AATF: variants seen among roughly 807,000 people sequenced by gnomAD.
The protein encoded by AATF is protein AATF.
In AATF, 48 loss-of-function variants were observed where a neutral mutation model predicts 63.7. The ratio of observed to expected loss-of-function variants is 0.75; its 90% CI spans 0.60 to 0.96. The LOEUF (loss-of-function observed/expected upper bound fraction) is 0.96. Among genes scored for constraint, AATF ranks in the 40% least tolerant of loss-of-function variants. The pLI is 0.00. For synonymous variants in AATF, 258 were observed against 247.7 expected, an observed-to-expected ratio of 1.04 and a Z score of -0.39; for missense variants, 639 against 685.7, an observed-to-expected ratio of 0.93 and a Z score of 0.76.
In AATF at chr17:36,988,600, G is replaced by A. The variant is rs1597714628; in HGVS notation, c.1029G>A (p.Leu343=). 6.2e-7 allele frequency: 1 copy of A among 1,614,188 alleles called. No homozygotes were observed. Among genetic ancestry groups the A allele is most frequent in the Admixed American group, 1.7e-5 (1 of 60,014 alleles). Residue 343 remains leucine (L), a synonymous_variant, in exon 6 of 12, where the codon CTG becomes CTA. Coordinates refer to ENST00000619387, the MANE Select transcript of AATF (RefSeq NM_012138.4). ...GAAGGGTCCCTGCAAAGAGGAAGCT[G>A]GAGATGGAGGACTATCCCAGCTTCA... ...QRRRVPAKRK[L]EMEDYPSFMA... is the part of the protein sequence containing the mutation.
intron 4 of AATF, among the ~76,000 whole-genome samples, chr17:36,962,888 G>A (rs931017857): frequency 2.0e-5 from 3 of 152,146 alleles, no homozygotes; most frequent in African/African-American, 4.8e-5. Context: ...TTGGGAGGCC[G>A]AGGCAGGCGA....
intron 4 of AATF, among the ~76,000 whole-genome samples, chr17:36,967,262 A>G (rs1159555909): frequency 2.6e-5 from 4 of 152,160 alleles, no homozygotes; most frequent in African/African-American, 9.7e-5. Context: ...TGGTTAGATC[A>G]GTGTTCAGTA....
intron 10 of AATF, among the ~76,000 whole-genome samples, chr17:37,029,600 C>T (rs1010494353): frequency 1.3e-5 from 2 of 152,036 alleles, no homozygotes; most frequent in African/African-American, 4.8e-5. Context: ...CAAAATCTCT[C>T]TGTCGCCCAG....
chr17:36,968,967 C>T (rs1268382992), intron 4 of AATF, among the ~76,000 whole-genome samples: 1 of 152,150 alleles, frequency 6.6e-6, no homozygotes, highest in Non-Finnish European at 1.5e-5. Context: ...TAGTCTGTTT[C>T]CTCTAAGCTG....
chr17:37,039,481 T>C (rs2071619367), intron 11 of AATF, among the ~76,000 whole-genome samples: 1 of 152,224 alleles, frequency 6.6e-6, no homozygotes, highest in African/African-American at 2.4e-5. Flanking sequence ...AGAATGAACA[T>C]AACTCATGGC....
At chr17:37,024,852 G>A (rs1278355151) in intron 10 of AATF, among the ~76,000 whole-genome samples, 5 of 152,056 alleles carry the variant, frequency 3.3e-5, no homozygotes, top group African/African-American at 7.2e-5. Context: ...CCAGCTACTC[G>A]GGAGGCTGAG....
intron 8 of AATF, among the ~76,000 whole-genome samples, chr17:36,998,392 A>T (rs2071270673): frequency 6.6e-6 from 1 of 152,212 alleles, no homozygotes; most frequent in Non-Finnish European, 1.5e-5. Context: ...GTGAAATAGG[A>T]CATTGAAACC....
At chr17:37,025,941 T>C (rs918577918) in intron 10 of AATF, among the ~76,000 whole-genome samples, 1 of 152,172 alleles carries the variant, frequency 6.6e-6, no homozygotes, top group African/African-American at 2.4e-5. Context: ...AAGAGAAACA[T>C]AGTGGCTTTG....
At chr17:36,972,696 A>G (rs765341823) in intron 4 of AATF, among the ~76,000 whole-genome samples, 10 of 151,442 alleles carry the variant, frequency 6.6e-5, no homozygotes, top group Non-Finnish European at 1.2e-4. Flanking sequence ...TCCTAATGCA[A>G]GATGATAGTG....
At chr17:36,985,629 C>T (rs929524720) in intron 4 of AATF, among the ~76,000 whole-genome samples, 6 of 151,504 alleles carry the variant, frequency 4.0e-5, no homozygotes, top group Non-Finnish European at 4.4e-5. Context: ...CTGCAACCTC[C>T]GCCTCCTGGG....
intron 4 of AATF, among the ~76,000 whole-genome samples, chr17:36,964,343 CT>C (rs1304362440): frequency 6.6e-6 from 1 of 151,564 alleles, no homozygotes; most frequent in African/African-American, 2.4e-5. Context: ...ACAGGAGTGC[CT>C]TAGATAGCAA....
chr17:37,013,534 G>C (rs7218833), intron 8 of AATF, among the ~76,000 whole-genome samples: 5,758 of 152,244 alleles, frequency 0.038, 371 homozygotes, highest in African/African-American at 0.13. Context: ...CAAGAGAGGA[G>C]GCTAGAGGAC....
intron 9 of AATF, 21 bp from the exon 10 acceptor site, chr17:37,020,913 C>T: frequency 6.2e-7 from 1 of 1,600,670 alleles, no homozygotes; most frequent in Non-Finnish European, 8.5e-7. Flanking sequence ...TGATGCATAA[C>T]ATTGCTTGTG....
chr17:36,973,303 G>C (rs2071054219), intron 4 of AATF, among the ~76,000 whole-genome samples: 1 of 151,850 alleles, frequency 6.6e-6, no homozygotes, highest in African/African-American at 2.4e-5. Context: ...TTTTTTAAAG[G>C]ACTGTGTACA....
At chr17:36,953,675 A>G in intron 3 of AATF, 95 bp from the exon 4 acceptor site, 1 of 1,171,216 alleles carries the variant, frequency 8.5e-7, no homozygotes, top group Non-Finnish European at 1.2e-6. Flanking sequence ...TGGTGCTTAG[A>G]GACTGGTGTG....
Position 36,974,056 on chromosome 17 carries a change from G to A in AATF, c.833-12561G>A, listed in dbSNP as rs112043910. On this transcript the variant is annotated intron_variant, in intron 4 of 11. Transcript: ENST00000619387. ...TGCACTCCAGCCTGGGCGACAGAGC[G>A]AGAGTCCATCTCAAAAAAAAAAAAA... Among the ~76,000 whole-genome samples the A allele has an allele frequency of 2.6e-3, 377 of 144,134 alleles. 1 individual carries two copies. The highest frequency in any genetic ancestry group is 5.6e-3 in the African/African-American group (207 of 37,196). The allele number at this position is 144,134 out of a possible 152,430, so 94.6% of individuals were successfully genotyped here. A position where few individuals can be genotyped will look rare whatever the true frequency, so the allele number is the denominator to read the frequency against.
At chr17:37,041,330 A>G (rs1365071168) in intron 11 of AATF, among the ~76,000 whole-genome samples, 1 of 152,184 alleles carries the variant, frequency 6.6e-6, no homozygotes, top group African/African-American at 2.4e-5. Flanking sequence ...TGCTGCAGTG[A>G]ACATATATAT....
intron 1 of AATF, 104 bp downstream of exon 1, chr17:36,949,320 T>A: frequency 8.9e-7 from 1 of 1,125,786 alleles, no homozygotes; most frequent in Non-Finnish European, 1.2e-6. Context: ...GGGCCTGCGC[T>A]CCTTCGCTTG....
chr17:37,048,029 C>G (rs2071708762), intron 11 of AATF, among the ~76,000 whole-genome samples: 2 of 152,156 alleles, frequency 1.3e-5, no homozygotes, highest in Non-Finnish European at 2.9e-5. Context: ...AAGAAGACTG[C>G]TTTCTTTCCC....
Sources: allele counts gnomAD v4.1 joint callset (sites outside exome capture counted in the v4.1 genomes callset), GRCh38; gene constraint gnomAD v4.1.1; transcripts MANE v1.5; gene names NCBI Gene and HGNC (gene_info 2026-07-23, HGNC 2026-07-21).